Variants in FHIT observed in about 807,000 individuals in gnomAD.
FHIT encodes the protein fragile histidine triad diadenosine triphosphatase.
In FHIT, 19 loss-of-function variants were observed where a neutral mutation model predicts 17.9. The observed-to-expected ratio is 1.06, with a 90% CI of 0.74 to 1.56. The LOEUF (loss-of-function observed/expected upper bound fraction) is 1.56. Ranked by LOEUF, FHIT falls within the 40% of genes most tolerant of loss-of-function variation. The pLI, the probability that FHIT is intolerant of heterozygous loss-of-function variation, is 0.00. For synonymous variants in FHIT, 81 were observed against 69.7 expected (o/e 1.16, Z -0.81); for missense variants, 248 against 189.2 (o/e 1.31, Z -1.82).
In FHIT at chr3:60,390,396, T is replaced by TAA. The variant is rs869078939; in HGVS notation, c.103+146462_103+146463dup. ...TGGTCCCTTAAGATTGTAATGGAGCTAAAAAAAAAAAAAAAAAAAAAAAAA... is the reference window on the plus strand; with the variant it reads ...TGGTCCCTTAAGATTGTAATGGAGCTAAAAAAAAAAAAAAAAAAAAAAAAAAA... On this transcript the variant is annotated intron_variant, in intron 5 of 9. Coordinates refer to ENST00000492590, the MANE Select transcript of FHIT (RefSeq NM_002012.4). 8.8e-3 allele frequency among the ~76,000 whole-genome samples: 281 copies of TAA among 31,964 alleles called. 21 individuals are homozygous for TAA. Among genetic ancestry groups the TAA allele is most frequent in the African/African-American group, 0.032 (262 of 8,144 alleles). The allele number at this position is 31,964 out of a possible 152,430, so 21.0% of individuals were successfully genotyped here.
chr3:60,407,138 G>T (rs1701894563), intron 5 of FHIT, among the ~76,000 whole-genome samples: 1 of 137,180 alleles, frequency 7.3e-6, no homozygotes, highest in South Asian at 2.3e-4. Context: ...TATAATCAAG[G>T]CAATGCTAAC....
intron 5 of FHIT, among the ~76,000 whole-genome samples, chr3:60,369,612 G>A (rs1700243590): frequency 6.6e-6 from 1 of 152,140 alleles, no homozygotes; most frequent in Admixed American, 6.5e-5. Context: ...TACTCTGTTA[G>A]AGTGGGCCTA....
At chr3:59,829,858 G>A (rs1701106070) in intron 8 of FHIT, among the ~76,000 whole-genome samples, 1 of 151,970 alleles carries the variant, frequency 6.6e-6, no homozygotes, top group Non-Finnish European at 1.5e-5. Flanking sequence ...TGGCCCTAGA[G>A]AGCCACCAGT....
intron 5 of FHIT, among the ~76,000 whole-genome samples, chr3:60,121,709 A>AAAACACACACACACAC (rs1553690214): frequency 1.2e-3 from 140 of 116,406 alleles, no homozygotes; most frequent in African/African-American, 4.4e-3. Context: ...AAACAAAACA[A>AAAACACACACACACAC]ACACACACAC....
chr3:60,989,992 T>C (rs78654461), intron 3 of FHIT, among the ~76,000 whole-genome samples: 2,255 of 152,252 alleles, frequency 0.015, 59 homozygotes, highest in African/African-American at 0.052. Context: ...CACAATCCTT[T>C]ACCACTCCTA....
chr3:60,528,563 G>A (rs2035658235), intron 5 of FHIT, among the ~76,000 whole-genome samples: 1 of 152,150 alleles, frequency 6.6e-6, no homozygotes, highest in Non-Finnish European at 1.5e-5. Context: ...CGAAGAAAGA[G>A]TTCTGTTGGT....
chr3:60,438,224 C>G (rs2030449911), intron 5 of FHIT, among the ~76,000 whole-genome samples: 1 of 152,040 alleles, frequency 6.6e-6, no homozygotes, highest in South Asian at 2.1e-4. Flanking sequence ...CACCTGTCCT[C>G]AGACTGACCC....
At chr3:59,994,169 G>C (rs1699406002) in intron 7 of FHIT, among the ~76,000 whole-genome samples, 1 of 152,010 alleles carries the variant, frequency 6.6e-6, no homozygotes, top group Admixed American at 6.6e-5. Flanking sequence ...ATTACTCCCA[G>C]AATACTGCCT....
intron 5 of FHIT, among the ~76,000 whole-genome samples, chr3:60,288,245 T>C (rs569880647): frequency 6.6e-6 from 1 of 152,308 alleles, no homozygotes; most frequent in South Asian, 2.1e-4. Context: ...TAAGATTTTA[T>C]GACCTAGACT....
intron 3 of FHIT, among the ~76,000 whole-genome samples, chr3:60,848,531 G>A (rs1703015239): frequency 6.6e-6 from 1 of 152,100 alleles, no homozygotes; most frequent in African/African-American, 2.4e-5. Flanking sequence ...TCAACTCAGT[G>A]TTTTCAGAAA....
At chr3:59,817,899 G>A (rs1411488934) in intron 8 of FHIT, among the ~76,000 whole-genome samples, 4 of 152,096 alleles carry the variant, frequency 2.6e-5, no homozygotes, top group Admixed American at 2.6e-4. Flanking sequence ...GAGAGCTTCA[G>A]GGGCACTCCA....
intron 5 of FHIT, among the ~76,000 whole-genome samples, chr3:60,069,663 T>C (rs989679821): frequency 3.9e-5 from 6 of 152,184 alleles, no homozygotes; most frequent in African/African-American, 1.4e-4. Flanking sequence ...AGGTTTGCTG[T>C]GACTCTAGTA....
intron 5 of FHIT, among the ~76,000 whole-genome samples, chr3:60,494,484 T>A (rs1370090292): frequency 6.6e-6 from 1 of 152,134 alleles, no homozygotes; most frequent in African/African-American, 2.4e-5. Flanking sequence ...CAAATTATAC[T>A]CTTAGTTATT....
At chr3:60,976,199 TG>T (rs1422610404) in intron 3 of FHIT, among the ~76,000 whole-genome samples, 8 of 139,584 alleles carry the variant, frequency 5.7e-5, no homozygotes, top group African/African-American at 2.1e-4. Flanking sequence ...CTCTACCTCC[TG>T]GGTTCAAGTG....
At chr3:60,923,946 G>C (rs145255213) in intron 3 of FHIT, among the ~76,000 whole-genome samples, 25 of 152,290 alleles carry the variant, frequency 1.6e-4, no homozygotes, top group African/African-American at 5.8e-4. Context: ...TACGCCCATG[G>C]AGCCTCCCTC....
intron 4 of FHIT, among the ~76,000 whole-genome samples, chr3:60,614,877 T>G (rs1396661482): frequency 7.4e-6 from 1 of 135,454 alleles, no homozygotes; most frequent in Non-Finnish European, 1.5e-5. Context: ...GTCGCCAGAC[T>G]GGAGTGCAGT....
intron 7 of FHIT, among the ~76,000 whole-genome samples, chr3:59,935,453 T>A (rs1706187693): frequency 6.6e-6 from 1 of 152,176 alleles, no homozygotes; most frequent in South Asian, 2.1e-4. Flanking sequence ...CTTTTCTGAT[T>A]CATTATACAT....
chr3:60,573,861 G>A (rs1553656631), intron 4 of FHIT, among the ~76,000 whole-genome samples: 17 of 151,796 alleles, frequency 1.1e-4, no homozygotes, highest in Non-Finnish European at 2.4e-4. Flanking sequence ...CCAGGCTGGG[G>A]CGCAGTGACG....
Position 60,800,704 on chromosome 3 carries a change from A to G in FHIT, c.-18+21215T>C, listed in dbSNP as rs566669765. ...ATGAGGGAGTAGGATGGGCCAGGGA[A>G]GAAGCCACGGAAAGATATGGCTTCA... On this transcript the variant is annotated intron_variant, in intron 4 of 9. Coordinates refer to ENST00000492590, the MANE Select transcript of FHIT (RefSeq NM_002012.4). Among the ~76,000 whole-genome samples the G allele has an allele frequency of 3.9e-5, 6 of 152,330 alleles. No individual in the cohort carries two copies. The South Asian group carries it at 1.2e-3, about 32-fold the overall frequency.
Sources: allele counts gnomAD v4.1 joint callset (sites outside exome capture counted in the v4.1 genomes callset), GRCh38; gene constraint gnomAD v4.1.1; transcripts MANE v1.5; gene names NCBI Gene and HGNC (gene_info 2026-07-23, HGNC 2026-07-21).